Variants in CDH13 observed in about 807,000 individuals in gnomAD.
The protein encoded by CDH13 is cadherin-13.
Under a neutral mutation model 63.8 loss-of-function variants are expected in CDH13, and 24 were observed. The observed-to-expected ratio is 0.38, with a 90% CI of 0.27 to 0.53. The LOEUF is 0.53. Ranked by LOEUF, CDH13 falls within the 20% of genes least tolerant of loss-of-function variation. The probability of loss-of-function intolerance (pLI) is 0.85; values close to 1 mark genes in which losing one functional copy is unlikely to be tolerated. For missense variants in CDH13, 1,049 were observed against 903.1 expected (o/e 1.16, Z -2.07); for synonymous variants, 503 against 355.3 (o/e 1.42, Z -4.67).
chr16:83,162,547 A>AGGCGTGAGCTACCATTCCCGGCCTC (rs1567463624), intron 4 of CDH13, among the ~76,000 whole-genome samples: 1 of 152,174 alleles, frequency 6.6e-6, no homozygotes, highest in Admixed American at 6.5e-5. Context: ...AAGGTTGAAC[A>AGGCGTGAGCTACCATTCCCGGCCTC]AAGCAAGGTG....
chr16:83,675,319 C>G (rs1031992683), intron 9 of CDH13, among the ~76,000 whole-genome samples: 2 of 152,166 alleles, frequency 1.3e-5, no homozygotes, highest in Non-Finnish European at 2.9e-5. Flanking sequence ...TTAGTAGATC[C>G]CACCTTAGGC....
chr16:83,428,201 A>G (rs1027604162), intron 6 of CDH13, among the ~76,000 whole-genome samples: 1 of 152,156 alleles, frequency 6.6e-6, no homozygotes, highest in African/African-American at 2.4e-5. Context: ...TTTATTATTG[A>G]ACTTCATGTG....
intron 7 of CDH13, among the ~76,000 whole-genome samples, chr16:83,491,000 G>C (rs535009137): frequency 6.6e-6 from 1 of 152,332 alleles, no homozygotes; most frequent in South Asian, 2.1e-4. Context: ...TAGGTTATCA[G>C]GGTGGATGAG....
At chr16:83,508,790 C>G (rs1438951815) in intron 7 of CDH13, among the ~76,000 whole-genome samples, 4 of 152,188 alleles carry the variant, frequency 2.6e-5, no homozygotes, top group Non-Finnish European at 1.5e-5. Flanking sequence ...GCTATTTGCA[C>G]TCAAATAGGC....
chr16:83,222,897 A>G (rs11645753), intron 5 of CDH13, among the ~76,000 whole-genome samples: 14,489 of 152,056 alleles, frequency 0.095, 932 homozygotes, highest in Admixed American at 0.13. Context: ...TTGAAATTTG[A>G]GGCTGGGTGA....
chr16:83,613,296 G>T (rs1038278747), intron 8 of CDH13, among the ~76,000 whole-genome samples: 5 of 152,040 alleles, frequency 3.3e-5, no homozygotes, highest in Non-Finnish European at 5.9e-5. Flanking sequence ...AATTATACTT[G>T]TTCCTTAAAT....
At chr16:83,328,036 G>A (rs2090403028) in intron 5 of CDH13, among the ~76,000 whole-genome samples, 1 of 152,014 alleles carries the variant, frequency 6.6e-6, no homozygotes, top group Non-Finnish European at 1.5e-5. Context: ...AGGAGGCTGG[G>A]GCAGGAGAAT....
intron 1 of CDH13, among the ~76,000 whole-genome samples, 156 bp from the exon 2 acceptor site, chr16:82,858,206 A>G (rs1597818524): frequency 6.6e-6 from 1 of 152,232 alleles, no homozygotes; most frequent in South Asian, 2.1e-4. Context: ...GCCAAAAAGA[A>G]TTGTTGGCAG....
At chr16:83,481,528 C>A (rs1202538626) in intron 6 of CDH13, among the ~76,000 whole-genome samples, 1 of 152,168 alleles carries the variant, frequency 6.6e-6, no homozygotes, top group Non-Finnish European at 1.5e-5. Flanking sequence ...GCGGCACTTG[C>A]TTTAATGAGA....
chr16:82,886,497 C>A (rs1308042643), intron 2 of CDH13, among the ~76,000 whole-genome samples: 1 of 151,236 alleles, frequency 6.6e-6, no homozygotes, highest in Non-Finnish European at 1.5e-5. Flanking sequence ...TTAAACTTTG[C>A]CATGTGTTTT....
intron 1 of CDH13, among the ~76,000 whole-genome samples, chr16:82,637,919 A>G (rs1908885464): frequency 6.6e-6 from 1 of 152,220 alleles, no homozygotes; most frequent in African/African-American, 2.4e-5. Flanking sequence ...GGTAAACGAG[A>G]TGAACTGAAT....
intron 4 of CDH13, among the ~76,000 whole-genome samples, chr16:83,183,330 G>A (rs2038408017): frequency 6.6e-6 from 1 of 152,204 alleles, no homozygotes; most frequent in Non-Finnish European, 1.5e-5. Context: ...GTGACCTCTA[G>A]ATAAAGTTTC....
At chr16:83,210,318 A>G (rs1048182852) in intron 4 of CDH13, among the ~76,000 whole-genome samples, 1 of 151,556 alleles carries the variant, frequency 6.6e-6, no homozygotes, top group Non-Finnish European at 1.5e-5. Context: ...ACCTTCCTCA[A>G]CCTCCCAAAG....
At chr16:83,183,248 C>T (rs1318106749) in intron 4 of CDH13, among the ~76,000 whole-genome samples, 3 of 152,178 alleles carry the variant, frequency 2.0e-5, no homozygotes, top group African/African-American at 4.8e-5. Context: ...TTTTAAGTAT[C>T]GTTGATATTA....
intron 1 of CDH13, among the ~76,000 whole-genome samples, chr16:82,828,808 AT>A (rs2038386865): frequency 6.6e-6 from 1 of 152,200 alleles, no homozygotes; most frequent in African/African-American, 2.4e-5. Context: ...TAATCTAGAA[AT>A]AATTTAAAGT....
At chr16:83,071,874 T>G (rs1392360243) in intron 3 of CDH13, among the ~76,000 whole-genome samples, 1 of 152,156 alleles carries the variant, frequency 6.6e-6, no homozygotes, top group Non-Finnish European at 1.5e-5. Context: ...TATGCATAGA[T>G]TATAAGTAAA....
chr16:83,587,346 T>C (rs1323481109), intron 7 of CDH13, among the ~76,000 whole-genome samples: 1 of 152,100 alleles, frequency 6.6e-6, no homozygotes, highest in East Asian at 1.9e-4. Flanking sequence ...TAGGCAAAGG[T>C]TGTAAAGCTG....
intron 3 of CDH13, among the ~76,000 whole-genome samples, chr16:83,108,613 G>T (rs757089955): frequency 6.6e-6 from 1 of 152,150 alleles, no homozygotes; most frequent in African/African-American, 2.4e-5. Context: ...GAAAGAGTTG[G>T]TCGGGAAAGG....
rs56692922 is a variant in CDH13, at chr16:83,447,053, T to TAAAAAAAAAAAAAA, written c.782-39416_782-39403dup. Among the ~76,000 whole-genome samples the TAAAAAAAAAAAAAA allele has an allele frequency of 3.1e-5, 2 of 64,286 alleles. 1 individual carries two copies. Among genetic ancestry groups the TAAAAAAAAAAAAAA allele is most frequent in the Non-Finnish European group, 6.1e-5 (2 of 32,978 alleles). 42.2% of individuals were successfully genotyped at this position (64,286 alleles called of 152,430 possible). ...TACCACCACCACTGGTCACCCGTCT[T>TAAAAAAAAAAAAAA]AAAAAAAAAAAAAAAAAAAAACAAA... On this transcript the variant is annotated intron_variant, in intron 6 of 13. Coordinates refer to ENST00000567109, the MANE Select transcript of CDH13 (RefSeq NM_001257.5).
Sources: allele counts gnomAD v4.1 joint callset (sites outside exome capture counted in the v4.1 genomes callset), GRCh38; gene constraint gnomAD v4.1.1; transcripts MANE v1.5; gene names NCBI Gene and HGNC (gene_info 2026-07-23, HGNC 2026-07-21).